The following GNAI1 variants were observed in gnomAD, a reference collection of about 807,000 sequenced individuals.
GNAI1 encodes the protein G protein subunit alpha i1, also known as guanine nucleotide-binding protein G(i) subunit alpha-1.
In GNAI1, 11 loss-of-function variants were observed where a neutral mutation model predicts 38.9. The observed-to-expected ratio is 0.28, with a 90% CI of 0.18 to 0.47. The LOEUF (loss-of-function observed/expected upper bound fraction) is 0.47, where lower values mean the gene tolerates loss of function less well. Among genes scored for constraint, GNAI1 ranks in the 20% least tolerant of loss-of-function variants. GNAI1 has a pLI of 0.99. For synonymous variants in GNAI1, 166 were observed against 145.1 expected, an observed-to-expected ratio of 1.14 and a Z score of -1.04; for missense variants, 317 against 436.9, an observed-to-expected ratio of 0.73 and a Z score of 2.45.
chr7:80,211,008 G>A lies in GNAI1; in HGVS notation c.630G>A (p.Lys210=). 1 of 1,613,004 alleles carries A rather than the reference G, an allele frequency of 6.2e-7. No individual in the cohort carries two copies. Among genetic ancestry groups the A allele is most frequent in the South Asian group, 1.1e-5 (1 of 91,072 alleles). Residue 210 remains lysine (K), a synonymous_variant, in exon 6 of 8, where the codon AAG becomes AAA. Transcript: ENST00000649796. The part of the protein sequence containing the change: ...DVGGQRSERK[K]WIHCFEGVTA... Reference sequence around the variant, plus strand: ...GAGGTCAGAGATCTGAGCGGAAGAAGTGGATTCATTGCTTCGAAGGAGTGA... The same window carrying A: ...GAGGTCAGAGATCTGAGCGGAAGAAATGGATTCATTGCTTCGAAGGAGTGA...
At chr7:80,157,955 C>A (rs1337208379) in intron 1 of GNAI1, among the ~76,000 whole-genome samples, 1 of 152,150 alleles carries the variant, frequency 6.6e-6, no homozygotes, top group Non-Finnish European at 1.5e-5. Context: ...GTGATTCATC[C>A]ACTTTGGCCT....
chr7:80,137,604 G>T (rs1583998827), intron 1 of GNAI1, among the ~76,000 whole-genome samples: 2 of 152,172 alleles, frequency 1.3e-5, no homozygotes, highest in East Asian at 3.9e-4. Flanking sequence ...ACAGGCGTGA[G>T]CCACCTTGCC....
intron 1 of GNAI1, among the ~76,000 whole-genome samples, chr7:80,140,217 C>G (rs1435379013): frequency 6.6e-6 from 1 of 151,920 alleles, no homozygotes; most frequent in African/African-American, 2.4e-5. Flanking sequence ...ATCTCCTGAC[C>G]TCGTGATCCG....
rs67345654 is a variant in GNAI1, at chr7:80,222,382, A to ATTTTTTTTTT, written c.*4899_*4908dup. 2.3e-5 allele frequency among the ~76,000 whole-genome samples: 3 copies of ATTTTTTTTTT among 127,874 alleles called. No individual in the cohort carries two copies. Among genetic ancestry groups the ATTTTTTTTTT allele is most frequent in the African/African-American group, 5.9e-5 (2 of 33,784 alleles). The allele number at this position is 127,874 out of a possible 152,430, so 83.9% of individuals were successfully genotyped here. On this transcript the variant is annotated 3_prime_UTR_variant, in exon 8 of 8. Coordinates refer to ENST00000649796, the MANE Select transcript of GNAI1 (RefSeq NM_002069.6). ...TGAAGGAGCTAGTTCTTCAAATTTA[A>ATTTTTTTTTT]TTTTTTTTTTTTTTTTTTTCCTGAG...
intron 4 of GNAI1, among the ~76,000 whole-genome samples, chr7:80,200,074 G>C (rs1159167181): frequency 1.3e-5 from 2 of 151,752 alleles, no homozygotes; most frequent in Non-Finnish European, 2.9e-5. Context: ...CCAGCACTTT[G>C]GGAGGCTAAG....
At chr7:80,137,317 CTTTTTT>C (rs398005254) in intron 1 of GNAI1, among the ~76,000 whole-genome samples, 2 of 53,984 alleles carry the variant, frequency 3.7e-5, no homozygotes, top group East Asian at 1.1e-3. Flanking sequence ...CTTTTCTTTT[CTTTTTT>C]TTTTTTTTTT....
chr7:80,181,754 G>A (rs557172261), intron 1 of GNAI1, among the ~76,000 whole-genome samples: 5 of 152,090 alleles, frequency 3.3e-5, no homozygotes, highest in African/African-American at 1.2e-4. Context: ...CAGTGGGGTT[G>A]CCTCCTTTGA....
intron 1 of GNAI1, among the ~76,000 whole-genome samples, chr7:80,150,202 G>A (rs879117603): frequency 1.3e-5 from 2 of 152,096 alleles, no homozygotes; most frequent in African/African-American, 4.8e-5. Context: ...AGAGAAAGTG[G>A]TGTACATGTA....
At chr7:80,217,197 A>AATGTAT in intron 7 of GNAI1, 106 bp from the exon 8 acceptor site, 1 of 150,490 alleles carries the variant, frequency 6.6e-6, no homozygotes, top group Non-Finnish European at 1.2e-5. Context: ...CATGAATGAA[A>AATGTAT]CTGTATGAAA....
chr7:80,198,830 C>T (rs1221588505), intron 3 of GNAI1, among the ~76,000 whole-genome samples: 2 of 152,110 alleles, frequency 1.3e-5, no homozygotes. Context: ...AGTTATGTTT[C>T]TTAGTTTAGA....
At chr7:80,184,908 G>T (rs1390441343) in intron 1 of GNAI1, among the ~76,000 whole-genome samples, 1 of 152,178 alleles carries the variant, frequency 6.6e-6, no homozygotes, top group African/African-American at 2.4e-5. Flanking sequence ...TCACTCCACA[G>T]TGATTAGTTG....
chr7:80,193,475 T>C lies in GNAI1; in HGVS notation c.303+4244T>C, dbSNP rs544317729. Among the ~76,000 whole-genome samples the C allele has an allele frequency of 2.6e-5, 4 of 152,338 alleles. No individual in the cohort carries two copies. In the South Asian group the frequency reaches 8.3e-4, roughly 32 times the overall value. ...GAGCAGTCACATTTTATGCCTAATATCATTTCACAGCTTTCGTAGAATGAG... is the reference window on the plus strand; with the variant it reads ...GAGCAGTCACATTTTATGCCTAATACCATTTCACAGCTTTCGTAGAATGAG... On this transcript the variant is annotated intron_variant, in intron 3 of 7. Coordinates refer to ENST00000649796, the MANE Select transcript of GNAI1 (RefSeq NM_002069.6).
rs74971972 is a variant in GNAI1 at position 80,166,760 on chromosome 7, G to A, written c.119-22191G>A. On this transcript the variant is annotated intron_variant, in intron 1 of 7. Coordinates refer to ENST00000649796, the MANE Select transcript of GNAI1 (RefSeq NM_002069.6). ...ACCTCTCACTAATACTACTGTCATA[G>A]ATTGGGGATGAAATGTTACAAATGA... Among the ~76,000 whole-genome samples, 403 of 152,284 alleles carry A rather than the reference G, an allele frequency of 2.6e-3. 5 individuals are homozygous for A. Among genetic ancestry groups the A allele is most frequent in the African/African-American group, 9.3e-3 (387 of 41,556 alleles).
intron 1 of GNAI1, chr7:80,135,912 G>A (rs1224624847): frequency 3.0e-6 from 3 of 985,286 alleles, no homozygotes; most frequent in Non-Finnish European, 3.6e-6. Flanking sequence ...CTTGCTGTGG[G>A]GGCATGGAAG....
At chr7:80,178,089 T>C (rs1455750947) in intron 1 of GNAI1, among the ~76,000 whole-genome samples, 2 of 152,182 alleles carry the variant, frequency 1.3e-5, no homozygotes, top group East Asian at 1.9e-4. Flanking sequence ...GGGACTTCAG[T>C]AGAGGAAGAA....
At chr7:80,217,237 A>ACTTCAGTTTAATATGTATGAAACTGC in intron 7 of GNAI1, 66 bp from the exon 8 acceptor site, 1 of 1,037,960 alleles carries the variant, frequency 9.6e-7, no homozygotes, top group Non-Finnish European at 1.4e-6. Flanking sequence ...TATGAAACTG[A>ACTTCAGTTTAATATGTATGAAACTGC]ATTCAGTATT....
At chr7:80,148,334 T>G (rs1184294452) in intron 1 of GNAI1, among the ~76,000 whole-genome samples, 1 of 152,154 alleles carries the variant, frequency 6.6e-6, no homozygotes, top group Non-Finnish European at 1.5e-5. Context: ...CTGAAATAAC[T>G]TAAACTGTAA....
intron 3 of GNAI1, among the ~76,000 whole-genome samples, chr7:80,198,398 A>C (rs1002759764): frequency 6.6e-6 from 1 of 152,138 alleles, no homozygotes; most frequent in African/African-American, 2.4e-5. Context: ...TTAGTGTTGC[A>C]CATTATATTT....
rs398005254 is a variant in GNAI1 at position 80,137,317 on chromosome 7, C to CT, written c.118+2060dup. Among the ~76,000 whole-genome samples the CT allele has an allele frequency of 5.5e-3, 294 of 53,916 alleles. 20 individuals are homozygous for CT. Among genetic ancestry groups the CT allele is most frequent in the East Asian group, 0.024 (43 of 1,786 alleles). 35.4% of individuals were successfully genotyped at this position (53,916 alleles called of 152,430 possible). On this transcript the variant is annotated intron_variant, in intron 1 of 7. Coordinates refer to ENST00000649796, the MANE Select transcript of GNAI1 (RefSeq NM_002069.6). ...TCTTTTTTTTTTTTTCTTTTCTTTT[C>CT]TTTTTTTTTTTTTTTTTTTTTGAGA...
Sources: allele counts gnomAD v4.1 joint callset (sites outside exome capture counted in the v4.1 genomes callset), GRCh38; gene constraint gnomAD v4.1.1; transcripts MANE v1.5; gene names NCBI Gene and HGNC (gene_info 2026-07-23, HGNC 2026-07-21).